Variants in PCGF6 observed in about 807,000 individuals in gnomAD.
PCGF6 encodes polycomb group RING finger protein 6.
PCGF6 carries 24 observed loss-of-function variants against 45.5 expected under a neutral mutation model. The observed-to-expected ratio is 0.53, with a 90% CI of 0.38 to 0.74. The LOEUF (loss-of-function observed/expected upper bound fraction) is 0.74, where lower values mean the gene tolerates loss of function less well. Ranked by LOEUF, PCGF6 falls within the 30% of genes least tolerant of loss-of-function variation. The pLI, the probability that PCGF6 is intolerant of heterozygous loss-of-function variation, is 0.00. For missense variants in PCGF6, 356 were observed against 443.2 expected (o/e 0.80, Z 1.77); for synonymous variants, 152 against 162.1 (o/e 0.94, Z 0.47).
chr10:103,328,506 T>C (rs748901642), intron 7 of PCGF6, among the ~76,000 whole-genome samples: 1 of 152,216 alleles, frequency 6.6e-6, no homozygotes, highest in Non-Finnish European at 1.5e-5. Flanking sequence ...GCTCAAACCC[T>C]GGTTCTGCCA....
intron 9 of PCGF6, among the ~76,000 whole-genome samples, chr10:103,311,931 A>G (rs1420959563): frequency 6.6e-6 from 1 of 151,734 alleles, no homozygotes; most frequent in Non-Finnish European, 1.5e-5. Context: ...TGTATTAAAA[A>G]TACAAAAATT....
intron 8 of PCGF6, among the ~76,000 whole-genome samples, chr10:103,325,493 C>A (rs2093214828): frequency 6.6e-6 from 1 of 152,214 alleles, no homozygotes; most frequent in East Asian, 1.9e-4. Context: ...CGTGATCCAC[C>A]CACCTCAGCC....
intron 8 of PCGF6, among the ~76,000 whole-genome samples, chr10:103,315,829 G>A (rs1363782525): frequency 3.3e-5 from 5 of 152,064 alleles, no homozygotes; most frequent in Admixed American, 1.3e-4. Flanking sequence ...GAATTCTCTA[G>A]AGAGAATATT....
chr10:103,349,553 T>C (rs1158374168), intron 1 of PCGF6, among the ~76,000 whole-genome samples: 1 of 134,432 alleles, frequency 7.4e-6, no homozygotes, highest in Non-Finnish European at 1.5e-5. Context: ...AGATCTCGGC[T>C]CACTGCAACC....
At chr10:103,343,369 T>C (rs1326354547) in intron 6 of PCGF6, among the ~76,000 whole-genome samples, 1 of 151,840 alleles carries the variant, frequency 6.6e-6, no homozygotes, top group Non-Finnish European at 1.5e-5. Flanking sequence ...TCATCAGTGA[T>C]ACAACATGAG....
intron 9 of PCGF6, 145 bp downstream of exon 9, chr10:103,314,041 A>C: frequency 2.6e-6 from 1 of 377,452 alleles, no homozygotes. Flanking sequence ...ACACAGCAAG[A>C]ATTTGATAAA....
At chr10:103,327,354 G>T (rs561090858) in intron 7 of PCGF6, among the ~76,000 whole-genome samples, 1 of 152,114 alleles carries the variant, frequency 6.6e-6, no homozygotes, top group East Asian at 1.9e-4. Context: ...AGAAGGAATG[G>T]CGAGACTAAA....
Position 103,347,231 on chromosome 10 carries a change from A to C in PCGF6, c.673+7T>G, listed in dbSNP as rs1053831937. On this transcript the variant is annotated splice_region_variant and intron_variant, in intron 5 of 9. Coordinates refer to ENST00000369847, the MANE Select transcript of PCGF6 (RefSeq NM_001011663.2). ...GTAAGTACATTATAGTATACACCCAAACTTACCAGGTTTAGGTACTTCTAG... is the reference window on the plus strand; with the variant it reads ...GTAAGTACATTATAGTATACACCCACACTTACCAGGTTTAGGTACTTCTAG... 6.3e-7 allele frequency: 1 copy of C among 1,598,164 alleles called. No individual in the cohort carries two copies. The highest frequency in any genetic ancestry group is 1.7e-5 in the Admixed American group (1 of 59,584).
chr10:103,314,046 GATAA>G (rs2093166437), intron 9 of PCGF6, 136 bp downstream of exon 9: 1 of 383,398 alleles, frequency 2.6e-6, no homozygotes, highest in Non-Finnish European at 4.6e-6. Flanking sequence ...GCAAGAATTT[GATAA>G]ATATTAAATA....
intron 9 of PCGF6, among the ~76,000 whole-genome samples, chr10:103,307,077 C>T (rs1030222533): frequency 6.6e-6 from 1 of 151,666 alleles, no homozygotes; most frequent in African/African-American, 2.4e-5. Flanking sequence ...GCACTCCAGC[C>T]TGGGTGACAG....
chr10:103,350,835 CGAAGCGGCCTCT>C lies in PCGF6; in HGVS notation c.220_231del (p.Arg74_Phe77del), dbSNP rs748465392. 102 of 1,547,078 alleles carry C rather than the reference CGAAGCGGCCTCT, an allele frequency of 6.6e-5. No homozygotes were observed. Among genetic ancestry groups the C allele is most frequent in the Non-Finnish European group, 8.1e-5 (93 of 1,145,916 alleles). On this transcript the variant is annotated inframe_deletion, in exon 1 of 10. Transcript: ENST00000369847. ...TCTTCCAACTCCTCGTCCTCGTCCT[CGAAGCGGCCTCT>C]GAAGCGGCCCAGGCTGCGCTCCGGC...
chr10:103,307,099 G>A (rs1028943841), intron 9 of PCGF6, among the ~76,000 whole-genome samples: 1 of 147,856 alleles, frequency 6.8e-6, no homozygotes, highest in Admixed American at 6.8e-5. Context: ...GCCAGACCCT[G>A]TCTCAAAAAC....
At chr10:103,332,909 G>A (rs1222686596) in intron 7 of PCGF6, among the ~76,000 whole-genome samples, 1 of 152,110 alleles carries the variant, frequency 6.6e-6, no homozygotes, top group East Asian at 1.9e-4. Context: ...GAGGTCAGGA[G>A]TTTGAGAATA....
intron 1 of PCGF6, among the ~76,000 whole-genome samples, chr10:103,350,262 C>G (rs972853046): frequency 1.5e-5 from 2 of 137,682 alleles, no homozygotes. Context: ...GAGCCCTCCT[C>G]GCTACAAAAA....
chr10:103,327,444 T>C (rs1426124812), intron 7 of PCGF6, among the ~76,000 whole-genome samples: 3 of 152,142 alleles, frequency 2.0e-5, no homozygotes, highest in Non-Finnish European at 2.9e-5. Context: ...TGAAAAACTA[T>C]CAACAATTTT....
chr10:103,333,704 G>A (rs537202649), intron 7 of PCGF6, among the ~76,000 whole-genome samples: 1 of 151,976 alleles, frequency 6.6e-6, no homozygotes, highest in Non-Finnish European at 1.5e-5. Context: ...CATAGCATTT[G>A]GTTTTAGTTT....
At chr10:103,332,381 G>A (rs1337510569) in intron 7 of PCGF6, among the ~76,000 whole-genome samples, 2 of 152,090 alleles carry the variant, frequency 1.3e-5, no homozygotes, top group South Asian at 2.1e-4. Context: ...CTAGGCTCAC[G>A]TGATCCTGCC....
At position 103,320,745 on chromosome 10, in the gene PCGF6, T is replaced by G. The variant is rs542965025; in HGVS notation, c.909+5789A>C. Among the ~76,000 whole-genome samples the G allele has an allele frequency of 7.2e-5, 11 of 152,302 alleles. No homozygotes were observed. The South Asian group carries it at 2.3e-3, about 32-fold the overall frequency. On this transcript the variant is annotated intron_variant, in intron 8 of 9. Transcript: ENST00000369847. Reference sequence around the variant, plus strand: ...TTTTGGAATTGTCTTGTTTTTAAAATTTGATCTGCCACAAAAAACTTTAAA... The same window carrying G: ...TTTTGGAATTGTCTTGTTTTTAAAAGTTGATCTGCCACAAAAAACTTTAAA...
At chr10:103,309,196 TG>T (rs57497944) in intron 9 of PCGF6, among the ~76,000 whole-genome samples, 261 of 132,694 alleles carry the variant, frequency 2.0e-3, no homozygotes, top group South Asian at 9.4e-3. Context: ...TGAGATTTGG[TG>T]GGGGGGGGGC....
Sources: gnomAD v4.1 joint callset for allele counts (sites outside exome capture counted in the v4.1 genomes callset) on GRCh38, gnomAD v4.1.1 for gene constraint, MANE v1.5 for transcripts, NCBI Gene and HGNC (gene_info 2026-07-23, HGNC 2026-07-21) for gene names.